The following CSMD3 variants were observed in gnomAD, a reference collection of about 807,000 sequenced individuals.
The protein encoded by CSMD3 is CUB and Sushi multiple domains 3.
A neutral mutation model predicts 435.2 loss-of-function variants in CSMD3; 177 were observed. That is an observed-to-expected ratio of 0.41 (90% CI 0.36 to 0.46). CSMD3 has a LOEUF of 0.46. Ranked by LOEUF, CSMD3 falls within the 20% of genes least tolerant of loss-of-function variation. The pLI is 0.34. For missense variants in CSMD3, 4,265 were observed against 4,504.6 expected (o/e 0.95, Z 1.52); for synonymous variants, 1,656 against 1,520.5 (o/e 1.09, Z -2.07).
intron 1 of CSMD3, among the ~76,000 whole-genome samples, chr8:113,384,098 TA>T (rs2094429379): frequency 6.6e-6 from 1 of 152,118 alleles, no homozygotes. Context: ...CCACCATACT[TA>T]AAAACCTGTC....
At chr8:112,763,145 T>C (rs1186063288) in intron 13 of CSMD3, among the ~76,000 whole-genome samples, 1 of 151,742 alleles carries the variant, frequency 6.6e-6, no homozygotes, top group East Asian at 1.9e-4. Context: ...AAATATCATG[T>C]CGTAGATGAT....
intron 3 of CSMD3, among the ~76,000 whole-genome samples, chr8:113,248,557 CAT>C (rs1298799455): frequency 8.3e-5 from 12 of 144,566 alleles, no homozygotes; most frequent in East Asian, 2.0e-4. Flanking sequence ...TATACACACA[CAT>C]GTGGAGGAAA....
intron 66 of CSMD3, among the ~76,000 whole-genome samples, chr8:112,237,555 T>A (rs1813704600): frequency 6.6e-6 from 1 of 152,138 alleles, no homozygotes. Context: ...GTTCATATGT[T>A]ATCGAGAAGA....
intron 61 of CSMD3, among the ~76,000 whole-genome samples, chr8:112,256,223 T>A (rs1480422216): frequency 6.6e-6 from 1 of 151,956 alleles, no homozygotes; most frequent in Non-Finnish European, 1.5e-5. Flanking sequence ...TATGCATTTG[T>A]GAGGGAAGTG....
intron 1 of CSMD3, among the ~76,000 whole-genome samples, chr8:113,316,982 C>CGGTG (rs1353122461): frequency 6.6e-6 from 1 of 152,084 alleles, no homozygotes; most frequent in Non-Finnish European, 1.5e-5. Flanking sequence ...TATATCTCAC[C>CGGTG]ATATGGCAAA....
chr8:112,671,480 A>G (rs924068469), intron 16 of CSMD3, among the ~76,000 whole-genome samples: 1 of 152,058 alleles, frequency 6.6e-6, no homozygotes, highest in Non-Finnish European at 1.5e-5. Flanking sequence ...GTACTTTTCT[A>G]CTAGCTCACC....
At chr8:113,317,926 T>C (rs1017320814) in intron 1 of CSMD3, among the ~76,000 whole-genome samples, 5 of 152,212 alleles carry the variant, frequency 3.3e-5, no homozygotes, top group Admixed American at 6.5e-5. Context: ...TGAAAGACTT[T>C]ATAGCTACAC....
At chr8:112,802,096 G>T (rs2078974508) in intron 12 of CSMD3, among the ~76,000 whole-genome samples, 1 of 151,618 alleles carries the variant, frequency 6.6e-6, no homozygotes, top group South Asian at 2.1e-4. Context: ...TGGTGTAAGG[G>T]TATATGTCAT....
intron 14 of CSMD3, among the ~76,000 whole-genome samples, chr8:112,688,364 A>G (rs1399559433): frequency 6.6e-6 from 1 of 152,130 alleles, no homozygotes; most frequent in Non-Finnish European, 1.5e-5. Context: ...ATAACTTAAG[A>G]TGATACTTAA....
intron 5 of CSMD3, among the ~76,000 whole-genome samples, chr8:113,093,047 T>C (rs1235560941): frequency 6.6e-6 from 1 of 152,140 alleles, no homozygotes; most frequent in East Asian, 1.9e-4. Context: ...AAATTATTTA[T>C]ACATTTCACA....
intron 1 of CSMD3, among the ~76,000 whole-genome samples, chr8:113,396,281 G>A (rs1318456010): frequency 6.6e-6 from 1 of 152,098 alleles, no homozygotes; most frequent in African/African-American, 2.4e-5. Flanking sequence ...TGAGAACTGT[G>A]GATAATACAT....
intron 45 of CSMD3, among the ~76,000 whole-genome samples, chr8:112,323,657 G>A (rs1246860811): frequency 6.6e-6 from 1 of 151,974 alleles, no homozygotes; most frequent in Non-Finnish European, 1.5e-5. Context: ...ACCAGTTTGT[G>A]GTACTTTGTT....
intron 46 of CSMD3, 134 bp from the exon 47 acceptor site, chr8:112,319,084 T>A (rs1415466747): frequency 2.9e-5 from 20 of 678,922 alleles, no homozygotes. Context: ...TAGGTATAAG[T>A]AGGAGTTATA....
At chr8:112,713,298 G>A (rs535774380) in intron 13 of CSMD3, among the ~76,000 whole-genome samples, 2 of 152,066 alleles carry the variant, frequency 1.3e-5, no homozygotes, top group Admixed American at 6.6e-5. Flanking sequence ...TTAAGTGGAA[G>A]AAAGAATATT....
intron 20 of CSMD3, among the ~76,000 whole-genome samples, chr8:112,642,190 T>A (rs1409892203): frequency 1.4e-5 from 2 of 143,566 alleles, no homozygotes; most frequent in East Asian, 2.2e-4. Flanking sequence ...GCCATTTGAC[T>A]TTTTTTTTCT....
At chr8:113,342,402 A>G (rs573174216) in intron 1 of CSMD3, among the ~76,000 whole-genome samples, 1 of 152,178 alleles carries the variant, frequency 6.6e-6, no homozygotes, top group Non-Finnish European at 1.5e-5. Context: ...CTACAGCGCT[A>G]TTTGCAGACT....
In CSMD3 at chr8:112,989,802, GGGAT is replaced by G. The variant is rs562591906; in HGVS notation, c.1031-13658_1031-13655del. On this transcript the variant is annotated intron_variant, in intron 6 of 70. Transcript: ENST00000297405. ...TTGTAGCTTCCACCTTGGATCTCTT[GGGAT>G]GCTTTCCTCAAACTGCCACTGATAT... 5.8e-3 allele frequency among the ~76,000 whole-genome samples: 875 copies of G among 152,068 alleles called. 1 individual carries two copies. Among genetic ancestry groups the G allele is most frequent in the Non-Finnish European group, 8.6e-3 (586 of 67,960 alleles).
intron 53 of CSMD3, among the ~76,000 whole-genome samples, chr8:112,296,516 C>T (rs1820292499): frequency 6.6e-6 from 1 of 150,736 alleles, no homozygotes; most frequent in Non-Finnish European, 1.5e-5. Flanking sequence ...CGCCACCGCA[C>T]TCCAGCCTGG....
chr8:113,086,695 C>A (rs995477580), intron 5 of CSMD3, among the ~76,000 whole-genome samples: 2 of 152,004 alleles, frequency 1.3e-5, no homozygotes, highest in Non-Finnish European at 2.9e-5. Flanking sequence ...TGAGCATTTG[C>A]AAAAGACATT....
Sources: gnomAD v4.1 joint callset for allele counts (sites outside exome capture counted in the v4.1 genomes callset) on GRCh38, gnomAD v4.1.1 for gene constraint, MANE v1.5 for transcripts, NCBI Gene and HGNC (gene_info 2026-07-23, HGNC 2026-07-21) for gene names.